Variants in FAM120B observed in about 807,000 individuals in gnomAD.
FAM120B encodes family with sequence similarity 120 member B.
FAM120B carries 83 observed loss-of-function variants against 96.3 expected under a neutral mutation model. The observed-to-expected ratio is 0.86, with a 90% confidence interval of 0.72 to 1.03. FAM120B has a LOEUF of 1.03. Ranked by LOEUF, FAM120B falls within the 50% of genes least tolerant of loss-of-function variation. FAM120B has a pLI of 0.00. For missense variants in FAM120B, 1,027 were observed against 1,121.2 expected, an observed-to-expected ratio of 0.92 and a Z score of 1.20; for synonymous variants, 407 against 402.7, an observed-to-expected ratio of 1.01 and a Z score of -0.13.
At chr6:170,327,407 T>G (rs183549399) in intron 3 of FAM120B, among the ~76,000 whole-genome samples, 61 of 152,294 alleles carry the variant, frequency 4.0e-4, no homozygotes, top group Non-Finnish European at 8.8e-5. Flanking sequence ...AACATTTTTT[T>G]CCAACCATTA....
chr6:170,382,959 A>G (rs756818748), intron 6 of FAM120B, among the ~76,000 whole-genome samples: 3 of 152,226 alleles, frequency 2.0e-5, no homozygotes, highest in Non-Finnish European at 4.4e-5. Context: ...CACAAGGTCA[A>G]TGAAACAGAA....
At chr6:170,361,274 A>G (rs1788443940) in intron 6 of FAM120B, among the ~76,000 whole-genome samples, 1 of 144,238 alleles carries the variant, frequency 6.9e-6, no homozygotes, top group Non-Finnish European at 1.5e-5. Context: ...ATATAGTTAC[A>G]TACATATTAA....
intron 5 of FAM120B, among the ~76,000 whole-genome samples, chr6:170,350,114 A>C (rs1220896851): frequency 6.6e-6 from 1 of 152,190 alleles, no homozygotes; most frequent in Non-Finnish European, 1.5e-5. Context: ...CAGAGACCCA[A>C]GAGTTTTACA....
At position 170,337,737 on chromosome 6, in the gene FAM120B, G is replaced by A. The variant is rs117751453; in HGVS notation, c.2017+7187G>A. ...TATTATTGGTCCGTTCAGGGATTCA[G>A]CTTCTTCCTGGTTTAGTCTTGGAAG... On this transcript the variant is annotated intron_variant, in intron 4 of 10. Coordinates refer to ENST00000476287, the MANE Select transcript of FAM120B (RefSeq NM_032448.3). Among the ~76,000 whole-genome samples the A allele has an allele frequency of 0.01, 1,550 of 151,800 alleles. 66 individuals carry two copies. In the East Asian group the frequency reaches 0.11, roughly 10 times the overall value.
chr6:170,297,450 G>C (rs112828030), intron 1 of FAM120B, among the ~76,000 whole-genome samples: 2 of 152,238 alleles, frequency 1.3e-5, no homozygotes, highest in African/African-American at 4.8e-5. Flanking sequence ...TGTGTGCACA[G>C]AGTCACTAAA....
intron 5 of FAM120B, among the ~76,000 whole-genome samples, chr6:170,350,991 C>T (rs761552535): frequency 7.2e-5 from 11 of 152,172 alleles, no homozygotes; most frequent in South Asian, 4.1e-4. Context: ...TAATGAACTT[C>T]GCGGAGCTAA....
At chr6:170,327,463 G>A (rs927650191) in intron 3 of FAM120B, among the ~76,000 whole-genome samples, 1 of 152,172 alleles carries the variant, frequency 6.6e-6, no homozygotes, top group Non-Finnish European at 1.5e-5. Flanking sequence ...AAAAAAGCAG[G>A]CAGATTTGAC....
Position 170,354,900 on chromosome 6 carries a change from G to A in FAM120B, c.2191-3326G>A, listed in dbSNP as rs149800687. ...GCCGAGATCGTGCCACTGCACTCCA[G>A]CCTGGGCAATAGAGTGAGACTCTAT... On this transcript the variant is annotated intron_variant, in intron 5 of 10. Transcript: ENST00000476287. 0.01 allele frequency among the ~76,000 whole-genome samples: 1,565 copies of A among 152,316 alleles called. 67 individuals are homozygous for A. In the East Asian group the frequency reaches 0.1, roughly 10 times the overall value.
rs191703135 is a variant in FAM120B at position 170,357,634 on chromosome 6, G to A, written c.2191-592G>A. Among the ~76,000 whole-genome samples, 659 of 152,226 alleles carry A rather than the reference G, an allele frequency of 4.3e-3. 4 individuals carry two copies. Among genetic ancestry groups the A allele is most frequent in the Middle Eastern group, 0.02 (6 of 294 alleles). On this transcript the variant is annotated intron_variant, in intron 5 of 10. Coordinates refer to ENST00000476287, the MANE Select transcript of FAM120B (RefSeq NM_032448.3). ...CAGCTCAGCCCAGCTGTGGATATTC[G>A]CTCTCTGAAAACCCCTGAACTGTTT... is the stretch of plus-strand genomic sequence containing the variant.
At chr6:170,371,013 C>A (rs567283030) in intron 6 of FAM120B, among the ~76,000 whole-genome samples, 1 of 152,252 alleles carries the variant, frequency 6.6e-6, no homozygotes, top group African/African-American at 2.4e-5. Flanking sequence ...ATGAACTATA[C>A]AGTTCACCCA....
At chr6:170,292,398 C>A (rs552098783), upstream of FAM120B, among the ~76,000 whole-genome samples, 7 of 152,238 alleles carry the variant, frequency 4.6e-5, no homozygotes, top group African/African-American at 1.7e-4. The surrounding 1 kb of genome is among the most constrained non-coding windows in gnomAD (Gnocchi z 6.6). Flanking sequence ...TCTTTACCAT[C>A]CCGCCCGTGG....
chr6:170,398,395 G>A (rs28657863), intron 9 of FAM120B, among the ~76,000 whole-genome samples: 1 of 149,014 alleles, frequency 6.7e-6, no homozygotes. Context: ...GGAGTGAGTG[G>A]GGAAGGTAGA....
chr6:170,385,289 A>T (rs1177741661), intron 6 of FAM120B, among the ~76,000 whole-genome samples: 1 of 152,260 alleles, frequency 6.6e-6, no homozygotes, highest in Non-Finnish European at 1.5e-5. Context: ...GACAGTGAAA[A>T]TATTGTCCAT....
intron 3 of FAM120B, among the ~76,000 whole-genome samples, chr6:170,325,838 C>T (rs1403637028): frequency 1.5e-5 from 2 of 131,494 alleles, no homozygotes; most frequent in Admixed American, 8.3e-5. Flanking sequence ...GGGACAAGAG[C>T]GAGACTTCAT....
chr6:170,353,872 A>G (rs1044071532), intron 5 of FAM120B, among the ~76,000 whole-genome samples: 13 of 152,352 alleles, frequency 8.5e-5, no homozygotes, highest in Admixed American at 7.2e-4. Context: ...ATTCAATGCT[A>G]TTCCCATTAA....
chr6:170,298,495 T>G (rs1784070787), intron 1 of FAM120B: 1 of 151,862 alleles, frequency 6.6e-6, no homozygotes, highest in South Asian at 2.1e-4. Context: ...CCATCAAGAT[T>G]TGTTTTCAAG....
chr6:170,297,034 G>A (rs545851940), intron 1 of FAM120B, among the ~76,000 whole-genome samples: 1,529 of 152,342 alleles, frequency 0.01, 38 homozygotes, highest in African/African-American at 0.035. Context: ...TCAGCTTGCC[G>A]GGAGCGGGGG....
At chr6:170,399,271 A>C (rs1778397772) in intron 9 of FAM120B, among the ~76,000 whole-genome samples, 1 of 145,570 alleles carries the variant, frequency 6.9e-6, no homozygotes, top group African/African-American at 2.6e-5. Flanking sequence ...CTATGTCATA[A>C]CTCTTAGTAG....
chr6:170,315,998 G>T (rs956320865), intron 1 of FAM120B, among the ~76,000 whole-genome samples: 3 of 137,510 alleles, frequency 2.2e-5, no homozygotes, highest in Non-Finnish European at 3.0e-5. Flanking sequence ...GGTTGAGGCT[G>T]CAGTGAACTG....
Sources: gnomAD v4.1 joint callset for allele counts (sites outside exome capture counted in the v4.1 genomes callset) on GRCh38, gnomAD v4.1.1 for gene constraint, Gnocchi (gnomAD v3.1) non-coding constraint, MANE v1.5 for transcripts, NCBI Gene and HGNC (gene_info 2026-07-23, HGNC 2026-07-21) for gene names.